Variants in SALL2 observed in about 807,000 individuals in gnomAD.
SALL2 encodes sal-like protein 2.
SALL2 carries 32 observed loss-of-function variants against 58.5 expected under a neutral mutation model. That is an observed-to-expected ratio of 0.55 (90% CI 0.41 to 0.74). The LOEUF (loss-of-function observed/expected upper bound fraction) is 0.74. SALL2 is among the 30% of genes least tolerant of loss of function. The probability of loss-of-function intolerance (pLI) is 0.00; values close to 1 mark genes in which losing one functional copy is unlikely to be tolerated. For missense variants in SALL2, 1,201 were observed against 1,268.9 expected (o/e 0.95, Z 0.81); for synonymous variants, 516 against 513.6 (o/e 1.00, Z -0.06).
chr14:21,535,847 C>T (rs1486766397), intron 1 of SALL2, among the ~76,000 whole-genome samples: 1 of 152,212 alleles, frequency 6.6e-6, no homozygotes, highest in East Asian at 1.9e-4. Flanking sequence ...TCCAAAACTT[C>T]TTTGATCCTA....
At chr14:21,528,681 A>G (rs1892386150), upstream of SALL2, among the ~76,000 whole-genome samples, 1 of 152,192 alleles carries the variant, frequency 6.6e-6, no homozygotes, top group Non-Finnish European at 1.5e-5. Context: ...GGAGAGGTTA[A>G]GTGACTTTTC....
Position 21,526,056 on chromosome 14 carries a change from C to T in SALL2, c.67+5G>A, listed in dbSNP as rs764880763. The T allele has an allele frequency of 9.8e-6, 15 of 1,535,070 alleles. No homozygotes were observed. The highest frequency in any genetic ancestry group is 1.3e-5 in the Non-Finnish European group (15 of 1,146,180). On this transcript the variant is annotated splice_donor_5th_base_variant and intron_variant, in intron 1 of 1. Coordinates refer to ENST00000537235, the MANE Select transcript of SALL2 (RefSeq NM_001364564.1). ...CCCTGCCCAGCCCGACCGACCCTAC[C>T]GCACCTCCGAGCTCTGCCGGCTCCC... is the stretch of plus-strand genomic sequence containing the variant.
At chr14:21,535,815 A>T (rs1376950081) in intron 1 of SALL2, among the ~76,000 whole-genome samples, 1 of 152,152 alleles carries the variant, frequency 6.6e-6, no homozygotes, top group Non-Finnish European at 1.5e-5. Flanking sequence ...GCACATATGG[A>T]GCCATACCAC....
In SALL2 at chr14:21,525,331, CTGTACCTGTGG is replaced by C; in HGVS notation, c.380_390del (p.Ala127GlyfsTer69). ...ATCAGGCCCCCGCCTCCCCCAGCCG[CTGTACCTGTGG>C]CAGCGACCAGGAAATGCCCTGAAGA... is the stretch of plus-strand genomic sequence containing the variant. On this transcript the variant is annotated frameshift_variant, in exon 2 of 2. Transcript: ENST00000537235. LOFTEE classifies it high-confidence loss of function. This position sits in a 1 kb window ranked among gnomAD's most constrained non-coding sequence, Gnocchi z 4.4. 6.2e-7 allele frequency: 1 copy of C among 1,613,964 alleles called. No individual in the cohort carries two copies. Among genetic ancestry groups the C allele is most frequent in the Non-Finnish European group, 8.5e-7 (1 of 1,179,922 alleles).
chr14:21,525,514 G>T lies in SALL2; in HGVS notation c.208C>A (p.Pro70Thr), dbSNP rs1221993238. 1 of 1,613,846 alleles carries T rather than the reference G, an allele frequency of 6.2e-7. No individual in the cohort carries two copies. Among genetic ancestry groups the T allele is most frequent in the Non-Finnish European group, 8.5e-7 (1 of 1,179,972 alleles). The stretch of plus-strand genomic sequence containing the variant: ...TCAGAGGAGGCCGAAGAGTTGTTGG[G>T]GTTCTCCTGGCCCCCAATTATCACC... ...VMVIIGGQEN[P>T]NNSSASSEPR... is the part of the protein sequence containing the mutation. The change falls in exon 2 of 2, where the codon CCC (proline) becomes ACC (threonine). Residue 70 changes from proline to threonine, a missense_variant. Transcript: ENST00000537235. This position sits in a 1 kb window ranked among gnomAD's most constrained non-coding sequence, Gnocchi z 4.4.
upstream of SALL2, among the ~76,000 whole-genome samples, chr14:21,531,085 T>A (rs933566916): frequency 6.6e-6 from 1 of 152,206 alleles, no homozygotes; most frequent in Non-Finnish European, 1.5e-5. Flanking sequence ...GACCTACTAA[T>A]GTAACTATGG....
chr14:21,526,535 G>A, upstream of SALL2: 7 of 1,125,098 alleles, frequency 6.2e-6, no homozygotes, highest in Non-Finnish European at 7.7e-6. Flanking sequence ...CCCGGTCCCT[G>A]GCCAGCTCCC....
Position 21,525,636 on chromosome 14 carries a change from T to C in SALL2, c.86A>G (p.Asp29Gly). The change falls in exon 2 of 2, where the codon GAT (aspartate) becomes GGT (glycine). Residue 29 changes from aspartate to glycine, a missense_variant. Physicochemically the swap from Asp to Gly is moderately conservative, Grantham distance 94. Around this residue, in one of 3 missense-constraint regions of SALL2, gnomAD observed 467 missense variants for 468.9 expected, o/e 1.00. Coordinates refer to ENST00000537235, the MANE Select transcript of SALL2 (RefSeq NM_001364564.1). This position sits in a 1 kb window ranked among gnomAD's most constrained non-coding sequence, Gnocchi z 4.4. ...AELGGDASEEDHPQVCAKCCA... is the reference protein window; with the variant it reads ...AELGGDASEEGHPQVCAKCCA... ...GCACTTGGCACAGACTTGGGGGTGA[T>C]CCTCCTCGCTAGCATCACCTGGGGA... The C allele has an allele frequency of 6.3e-7, 1 of 1,578,946 alleles. No homozygotes were observed. The highest frequency in any genetic ancestry group is 1.2e-5 in the South Asian group (1 of 85,382).
chr14:21,536,869 C>T, intron 1 of SALL2: 2 of 1,614,132 alleles, frequency 1.2e-6, no homozygotes, highest in Non-Finnish European at 8.5e-7. Context: ...CGCGCTGGGA[C>T]CTTCGCAGTC....
In SALL2 at chr14:21,524,108, T is replaced by A; in HGVS notation, c.1614A>T (p.Ala538=). ...GCATGCGAGTTGCCGTGCTACTTTCTGCCACTCCACTGATGGCTGAGCCCT... is the reference window on the plus strand; with the variant it reads ...GCATGCGAGTTGCCGTGCTACTTTCAGCCACTCCACTGATGGCTGAGCCCT... ...GSEGSAISGV[A]ESSTATRMQL... The change falls in exon 2 of 2, where the codon GCA becomes GCT. Residue 538 remains alanine (A), a synonymous_variant. Coordinates refer to ENST00000537235, the MANE Select transcript of SALL2 (RefSeq NM_001364564.1). The A allele has an allele frequency of 6.2e-7, 1 of 1,613,900 alleles. No homozygotes were observed. Among genetic ancestry groups the A allele is most frequent in the Non-Finnish European group, 8.5e-7 (1 of 1,179,852 alleles).
chr14:21,522,076 C>T lies in SALL2; in HGVS notation c.*628G>A, dbSNP rs1892055166. ...GCAGGAGGCTGAAATAGGAGGGGGG[C>T]TGTCTTCTCCTTGGCTTCCCTGGAT... is the stretch of plus-strand genomic sequence containing the variant. On this transcript the variant is annotated 3_prime_UTR_variant, in exon 2 of 2. Coordinates refer to ENST00000537235, the MANE Select transcript of SALL2 (RefSeq NM_001364564.1). 1 of 1,597,426 alleles carries T rather than the reference C, an allele frequency of 6.3e-7. No homozygotes were observed. Among genetic ancestry groups the T allele is most frequent in the Admixed American group, 1.7e-5 (1 of 59,880 alleles).
At chr14:21,532,244 G>C (rs576755745) in intron 1 of SALL2, among the ~76,000 whole-genome samples, 142 of 152,234 alleles carry the variant, frequency 9.3e-4, no homozygotes, top group Non-Finnish European at 1.6e-3. Flanking sequence ...CATTATATGA[G>C]TCCATTAATA....
At chr14:21,526,546 C>A, upstream of SALL2, 1 of 1,113,310 alleles carries the variant, frequency 9.0e-7, no homozygotes, top group African/African-American at 1.6e-5. Context: ...GCCAGCTCCC[C>A]CCATCTGCAG....
Position 21,522,103 on chromosome 14 carries a change from C to T in SALL2, c.*601G>A. The T allele has an allele frequency of 6.3e-7, 1 of 1,597,836 alleles. No individual in the cohort carries two copies. The highest frequency in any genetic ancestry group is 8.5e-7 in the Non-Finnish European group (1 of 1,179,628). On this transcript the variant is annotated 3_prime_UTR_variant, in exon 2 of 2. Coordinates refer to ENST00000537235, the MANE Select transcript of SALL2 (RefSeq NM_001364564.1). ...GTCTTCTCCTTGGCTTCCCTGGATC[C>T]CATTGTTGGAGGCACCTTCCCAGCC...
rs771974808 is a variant in SALL2, at chr14:21,522,984, A to G, written c.2738T>C (p.Val913Ala). 6.2e-7 allele frequency: 1 copy of G among 1,614,090 alleles called. No homozygotes were observed. Among genetic ancestry groups the G allele is most frequent in the Non-Finnish European group, 8.5e-7 (1 of 1,180,000 alleles). ...GESSSRKACEVCGQAFPSQAA... is the reference protein window; with the variant it reads ...GESSSRKACEACGQAFPSQAA... ...CTGGGAGGGAAAGGCCTGGCCACAC[A>G]CTTCGCAGGCCTTTCTGCTGCTGCT... The change falls in exon 2 of 2, where the codon GTG (valine) becomes GCG (alanine). Residue 913 changes from valine (V) to alanine (A), a missense_variant. Val to Ala is a moderately conservative substitution (Grantham distance 64, BLOSUM62 0). Around this residue, in one of 3 missense-constraint regions of SALL2, gnomAD observed 675 missense variants for 683.8 expected, o/e 0.99. Transcript: ENST00000537235.
rs1263810 is a variant in SALL2 at position 21,523,492 on chromosome 14, G to A, written c.2230C>T (p.Arg744Trp). The change falls in exon 2 of 2, where the codon CGG (arginine) becomes TGG (tryptophan). Residue 744 changes from arginine (R) to tryptophan (W), a missense_variant. Coordinates refer to ENST00000537235, the MANE Select transcript of SALL2 (RefSeq NM_001364564.1). This position sits in a 1 kb window ranked among gnomAD's most constrained non-coding sequence, Gnocchi z 4.4. ...TGGGACTGCTGCTGGGGGAAACTCC[G>A]TGCCCCGGAGACTGTAGATTGCTCG... ...GSEQSTVSGA[R>W]SFPQQQSQQP... The A allele has an allele frequency of 3.5e-5, 56 of 1,613,818 alleles. No homozygotes were observed. Among genetic ancestry groups the A allele is most frequent in the Non-Finnish European group, 4.7e-5 (55 of 1,179,948 alleles).
rs115798132 is a variant in SALL2, at chr14:21,525,841, G to T, written c.68-187C>A. Among the ~76,000 whole-genome samples, 5,482 of 148,766 alleles carry T rather than the reference G, an allele frequency of 0.037. 411 individuals are homozygous for T. Among genetic ancestry groups the T allele is most frequent in the African/African-American group, 0.13 (5,220 of 39,520 alleles). ...ACAGGAGACAACCCGGCATGGGGCA[G>T]GGGGGTGGGGAGGGAGGAGGGGAGG... On this transcript the variant is annotated intron_variant, in intron 1 of 1. Transcript: ENST00000537235. This position sits in a 1 kb window ranked among gnomAD's most constrained non-coding sequence, Gnocchi z 4.4.
At position 21,524,490 on chromosome 14, in the gene SALL2, C is replaced by T. The variant is rs1892194075; in HGVS notation, c.1232G>A (p.Arg411His). The T allele has an allele frequency of 1.9e-6, 3 of 1,614,248 alleles. No homozygotes were observed. Among genetic ancestry groups the T allele is most frequent in the Non-Finnish European group, 2.5e-6 (3 of 1,180,046 alleles). The part of the protein sequence containing the change: ...CNVCGNRFTT[R>H]GNLKVHFHRH... ...GTGGAAATGCACTTTGAGGTTGCCACGGGTGGTAAAACGGTTTCCACAGAC... is the reference window on the plus strand; with the variant it reads ...GTGGAAATGCACTTTGAGGTTGCCATGGGTGGTAAAACGGTTTCCACAGAC... Residue 411 changes from arginine (R) to histidine (H), a missense_variant, in exon 2 of 2, where the codon CGT (arginine) becomes CAT (histidine). Transcript: ENST00000537235.
Position 21,523,581 on chromosome 14 carries a change from C to A in SALL2, c.2141G>T (p.Gly714Val). 1 of 1,614,108 alleles carries A rather than the reference C, an allele frequency of 6.2e-7. No homozygotes were observed. Among genetic ancestry groups the A allele is most frequent in the Non-Finnish European group, 8.5e-7 (1 of 1,180,002 alleles). ...TGCAGTACCACCGTTGGGGATCTGG[C>A]CCCCCAGGTGCATCCGGACATGCTG... ...LQQHVRMHLG[G>V]QIPNGGTALP... The change falls in exon 2 of 2, where the codon GGC (glycine) becomes GTC (valine). Residue 714 changes from glycine (G) to valine (V), a missense_variant. Physicochemically the swap from Gly to Val is moderately radical, Grantham distance 109. Around this residue, in one of 3 missense-constraint regions of SALL2, gnomAD observed 675 missense variants for 683.8 expected, o/e 0.99. Transcript: ENST00000537235. The surrounding 1 kb of genome is among the most constrained non-coding windows in gnomAD (Gnocchi z 4.4).
Sources: gnomAD v4.1 joint callset for allele counts (sites outside exome capture counted in the v4.1 genomes callset) on GRCh38, gnomAD v4.1.1 for gene constraint, gnomAD v4.1.1 regional missense constraint, Gnocchi (gnomAD v3.1) non-coding constraint, MANE v1.5 for transcripts, NCBI Gene and HGNC (gene_info 2026-07-23, HGNC 2026-07-21) for gene names.